The following ANKRD28 variants were observed in gnomAD, a reference collection of about 807,000 sequenced individuals.
ANKRD28 encodes the protein ankyrin repeat domain 28.
Under a neutral mutation model 126.5 loss-of-function variants are expected in ANKRD28, and 44 were observed. The ratio of observed to expected loss-of-function variants is 0.35; its 90% CI spans 0.27 to 0.45. The LOEUF (loss-of-function observed/expected upper bound fraction) is 0.45. Among genes scored for constraint, ANKRD28 ranks in the 20% least tolerant of loss-of-function variants. The pLI is 1.00. For synonymous variants in ANKRD28, 442 were observed against 468.5 expected (o/e 0.94, Z 0.73); for missense variants, 1,110 against 1,316.6 (o/e 0.84, Z 2.43).
chr3:15,823,578 GCCAAAACTAGACACTTCATA>G (rs1248464497), intron 1 of ANKRD28, among the ~76,000 whole-genome samples: 1 of 152,046 alleles, frequency 6.6e-6, no homozygotes, highest in Non-Finnish European at 1.5e-5. Flanking sequence ...ATTTCTTGAG[GCCAAAACTAGACACTTCATA>G]CCAAAACTAG....
chr3:15,672,324 T>G (rs2066457670), intron 27 of ANKRD28, among the ~76,000 whole-genome samples: 1 of 152,046 alleles, frequency 6.6e-6, no homozygotes, highest in Non-Finnish European at 1.5e-5. Context: ...AACTTTTTTG[T>G]AGATACAGGG....
rs146067485 is a variant in ANKRD28 at position 15,816,786 on chromosome 3, C to T, written c.28-21480G>A. On this transcript the variant is annotated intron_variant, in intron 1 of 27. Transcript: ENST00000399451. The surrounding 1 kb of genome is among the most constrained non-coding windows in gnomAD (Gnocchi z 5.0). ...CCAAAGTGTCTTATAATCCAAGACA[C>T]TGAGAGATAGGAAGCTAGGATAATG... Among the ~76,000 whole-genome samples, 539 of 152,242 alleles carry T rather than the reference C, an allele frequency of 3.5e-3. 7 individuals carry two copies. Among genetic ancestry groups the T allele is most frequent in the African/African-American group, 0.013 (521 of 41,538 alleles).
chr3:15,762,083 G>T (rs1254253170), intron 3 of ANKRD28, among the ~76,000 whole-genome samples: 2 of 151,676 alleles, frequency 1.3e-5, no homozygotes, highest in African/African-American at 2.4e-5. Flanking sequence ...CTACTCAGGA[G>T]GCTGAGGCAG....
chr3:15,800,927 C>T (rs960194700), upstream of ANKRD28, among the ~76,000 whole-genome samples: 1 of 151,970 alleles, frequency 6.6e-6, no homozygotes, highest in African/African-American at 2.4e-5. Context: ...AGGCTCCTAC[C>T]CTCAAGGAAC....
intron 13 of ANKRD28, among the ~76,000 whole-genome samples, chr3:15,708,738 A>G (rs930049438): frequency 1.3e-5 from 2 of 152,150 alleles, no homozygotes; most frequent in African/African-American, 2.4e-5. Flanking sequence ...TATGAGAGCA[A>G]TCTGTTCTTC....
chr3:15,739,504 T>C (rs2075288937), intron 4 of ANKRD28, among the ~76,000 whole-genome samples: 1 of 152,194 alleles, frequency 6.6e-6, no homozygotes, highest in African/African-American at 2.4e-5. Flanking sequence ...GGTTCTCATG[T>C]CAATTCTATT....
At chr3:15,695,312 C>T in intron 15 of ANKRD28, 98 bp from the exon 16 acceptor site, 1 of 885,238 alleles carries the variant, frequency 1.1e-6, no homozygotes, top group East Asian at 2.7e-5. Context: ...TACCCTAAAC[C>T]CGTGCTTCCT....
chr3:15,844,657 TAAAACCA>T (rs1559593616), intron 1 of ANKRD28, among the ~76,000 whole-genome samples: 2 of 152,310 alleles, frequency 1.3e-5, no homozygotes, highest in Non-Finnish European at 2.9e-5. Flanking sequence ...TAGGAGGTTC[TAAAACCA>T]ATAATACACC....
intron 2 of ANKRD28, among the ~76,000 whole-genome samples, chr3:15,785,053 C>T (rs1340293907): frequency 6.6e-6 from 1 of 152,042 alleles, no homozygotes; most frequent in Admixed American, 6.6e-5. Flanking sequence ...TACCCATAAC[C>T]CACATCTCAG....
In ANKRD28 at chr3:15,737,168, G is replaced by A; in HGVS notation, c.417C>T (p.Thr139=). Residue 139 remains threonine (T), a synonymous_variant, in exon 5 of 28, where the codon ACC becomes ACT. Coordinates refer to ENST00000683139, the MANE Select transcript of ANKRD28 (RefSeq NM_001349278.2). The part of the protein sequence containing the change: ...DVNARDKNWQ[T]PLHIAAANKA... ...TATTAGCAGCAGCTATATGTAAAGG[G>A]GTTTGCCAATTTTTGTCTCGAGCAT... 9 of 1,613,902 alleles carry A rather than the reference G, an allele frequency of 5.6e-6. No individual in the cohort carries two copies. Among genetic ancestry groups the A allele is most frequent in the Non-Finnish European group, 7.6e-6 (9 of 1,179,876 alleles).
chr3:15,817,212 G>A lies in ANKRD28; in HGVS notation c.28-21906C>T, dbSNP rs1346494681. On this transcript the variant is annotated intron_variant, in intron 1 of 27. Coordinates refer to the ANKRD28 transcript ENST00000399451. This position sits in a 1 kb window ranked among gnomAD's most constrained non-coding sequence, Gnocchi z 4.5. ...GTAACAGTGATGAACAATTTCTCAC[G>A]CACAAACATTTCACATACTGATGAT... Among the ~76,000 whole-genome samples the A allele has an allele frequency of 6.6e-6, 1 of 151,868 alleles. No homozygotes were observed. Among genetic ancestry groups the A allele is most frequent in the Admixed American group, 6.6e-5 (1 of 15,258 alleles).
rs1018593942 is a variant in ANKRD28 at position 15,686,033 on chromosome 3, T to C, written c.2138A>G (p.Asp713Gly). 2 of 1,613,600 alleles carry C rather than the reference T, an allele frequency of 1.2e-6. No homozygotes were observed. Among genetic ancestry groups the C allele is most frequent in the Non-Finnish European group, 1.7e-6 (2 of 1,179,804 alleles). The change falls in exon 20 of 28, where the codon GAT becomes GGT. Residue 713 changes from aspartate to glycine, a missense_variant. Asp to Gly is a moderately conservative substitution (Grantham distance 94, BLOSUM62 -1). Coordinates refer to ENST00000683139, the MANE Select transcript of ANKRD28 (RefSeq NM_001349278.2). Reference protein sequence around the residue: ...LNKGANVDAKDKWGRTALHRG... With the variant: ...LNKGANVDAKGKWGRTALHRG... Reference sequence around the variant, plus strand: ...ATGCAACGCTGTCCTTCCCCACTTATCTTTGGCATCTACATTTGCTCCTTT... The same window carrying C: ...ATGCAACGCTGTCCTTCCCCACTTACCTTTGGCATCTACATTTGCTCCTTT...
At chr3:15,803,046 C>T (rs2060496163) in intron 1 of ANKRD28, among the ~76,000 whole-genome samples, 1 of 152,180 alleles carries the variant, frequency 6.6e-6, no homozygotes. Context: ...GACAATATCA[C>T]ATGCAGTTGG....
At position 15,675,791 on chromosome 3, in the gene ANKRD28, A is replaced by G. The variant is rs115375287; in HGVS notation, c.2965+107T>C. On this transcript the variant is annotated intron_variant, in intron 27 of 27. Coordinates refer to ENST00000683139, the MANE Select transcript of ANKRD28 (RefSeq NM_001349278.2). The stretch of plus-strand genomic sequence containing the variant: ...CAAACTACTCTTCAATATTAACTTT[A>G]GCTCTCCTCTTTGACCAATAAAAAA... The G allele has an allele frequency of 2.5e-3, 2,320 of 934,650 alleles. 4 individuals are homozygous for G. Among genetic ancestry groups the G allele is most frequent in the Non-Finnish European group, 3.1e-3 (2,042 of 655,802 alleles). The allele number at this position is 934,650 out of a possible 1,614,324, so 57.9% of individuals were successfully genotyped here.
intron 20 of ANKRD28, 99 bp from the exon 21 acceptor site, chr3:15,685,544 C>T: frequency 2.0e-6 from 2 of 1,015,080 alleles, no homozygotes; most frequent in Non-Finnish European, 1.5e-6. Context: ...CTCTCCATAT[C>T]CTTCCATCAA....
chr3:15,834,286 A>G (rs550120260), intron 1 of ANKRD28, among the ~76,000 whole-genome samples: 14 of 152,182 alleles, frequency 9.2e-5, no homozygotes, highest in African/African-American at 3.1e-4. Context: ...ATAGCTATCC[A>G]ATTTTCCCAG....
At chr3:15,800,483 T>C (rs548799251), upstream of ANKRD28, among the ~76,000 whole-genome samples, 95 of 152,250 alleles carry the variant, frequency 6.2e-4, no homozygotes, top group Non-Finnish European at 2.5e-4. Context: ...ATGATATCCC[T>C]TGTGAAGCCA....
At chr3:15,842,041 T>C (rs961610265) in intron 1 of ANKRD28, among the ~76,000 whole-genome samples, 3 of 147,912 alleles carry the variant, frequency 2.0e-5, no homozygotes, top group African/African-American at 7.4e-5. Context: ...ATAATTTTTA[T>C]ATATAACATA....
At position 15,816,062 on chromosome 3, in the gene ANKRD28, C is replaced by G. The variant is rs7651694; in HGVS notation, c.28-20756G>C. ...AATAGTCAAGCTCAAAACAATATCA[C>G]GAGCGTATTTCTGACTGATTGAAAA... On this transcript the variant is annotated intron_variant, in intron 1 of 27. Coordinates refer to the ANKRD28 transcript ENST00000399451. The surrounding 1 kb of genome is among the most constrained non-coding windows in gnomAD (Gnocchi z 5.0). Among the ~76,000 whole-genome samples the G allele has an allele frequency of 1.3e-5, 2 of 152,048 alleles. No individual in the cohort carries two copies. The highest frequency in any genetic ancestry group is 2.9e-5 in the Non-Finnish European group (2 of 68,002).
Sources: allele counts gnomAD v4.1 joint callset (sites outside exome capture counted in the v4.1 genomes callset), GRCh38; gene constraint gnomAD v4.1.1; non-coding constraint Gnocchi (gnomAD v3.1); transcripts MANE v1.5; gene names NCBI Gene and HGNC (gene_info 2026-07-23, HGNC 2026-07-21).